The following PRKN variants were observed in gnomAD, a reference collection of about 807,000 sequenced individuals.
PRKN encodes the protein E3 ubiquitin-protein ligase parkin.
A neutral mutation model predicts 59.5 loss-of-function variants in PRKN; 56 were observed. The ratio of observed to expected loss-of-function variants is 0.94; its 90% CI spans 0.76 to 1.18. PRKN has a LOEUF of 1.18. Ranked by LOEUF, PRKN falls within the 50% of genes most tolerant of loss-of-function variation. The pLI is 0.00. For synonymous variants in PRKN, 250 were observed against 222.1 expected (o/e 1.13, Z -1.12); for missense variants, 657 against 596.4 (o/e 1.10, Z -1.06).
At chr6:161,535,740 A>T (rs1779389230) in intron 9 of PRKN, among the ~76,000 whole-genome samples, 1 of 152,038 alleles carries the variant, frequency 6.6e-6, no homozygotes, top group South Asian at 2.1e-4. Flanking sequence ...TGAAAAGTGG[A>T]CCTGGGGCTG....
rs1049368808 is a variant in PRKN at position 162,554,692 on chromosome 6, T to C, written c.8-111219A>G. On this transcript the variant is annotated intron_variant, in intron 1 of 11. Transcript: ENST00000366898. ...AGATCAGGGGCTTTTACTAGAGCCA[T>C]GGGAATGGCAGCTTGGCTGGTGTTG... is the stretch of plus-strand genomic sequence containing the variant. Among the ~76,000 whole-genome samples, 7 of 152,002 alleles carry C rather than the reference T, an allele frequency of 4.6e-5. No individual in the cohort carries two copies. In the South Asian group the frequency reaches 6.2e-4, roughly 14 times the overall value.
chr6:162,330,026 T>A (rs1783502074), intron 2 of PRKN, among the ~76,000 whole-genome samples: 1 of 152,190 alleles, frequency 6.6e-6, no homozygotes, highest in South Asian at 2.1e-4. Context: ...CAGTCCATCC[T>A]ATCAATGAAT....
intron 1 of PRKN, among the ~76,000 whole-genome samples, chr6:162,638,961 G>A (rs1777859070): frequency 6.6e-6 from 1 of 151,836 alleles, no homozygotes; most frequent in Non-Finnish European, 1.5e-5. Flanking sequence ...AGCCAGGCTG[G>A]TCTCAAACTC....
intron 4 of PRKN, among the ~76,000 whole-genome samples, chr6:162,159,821 G>A (rs1349850997): frequency 3.3e-5 from 5 of 152,110 alleles, no homozygotes; most frequent in Admixed American, 1.3e-4. Flanking sequence ...CTAATTTTTG[G>A]CAAAATGTAA....
intron 6 of PRKN, among the ~76,000 whole-genome samples, chr6:161,797,494 A>G (rs541071120): frequency 1.2e-4 from 19 of 152,274 alleles, no homozygotes; most frequent in Non-Finnish European, 2.6e-4. Flanking sequence ...CAAGCTCCTG[A>G]CCTCAAGTGA....
intron 1 of PRKN, among the ~76,000 whole-genome samples, chr6:162,555,087 C>T (rs1348173455): frequency 6.6e-6 from 1 of 152,040 alleles, no homozygotes; most frequent in East Asian, 1.9e-4. Context: ...GGTTGGTGCA[C>T]AGGTCAGTAT....
intron 9 of PRKN, among the ~76,000 whole-genome samples, chr6:161,437,506 G>A (rs1303816777): frequency 2.6e-5 from 4 of 152,138 alleles, no homozygotes; most frequent in East Asian, 1.9e-4. Context: ...ATGGATAAGC[G>A]GGGACTCCTG....
At chr6:162,480,874 C>T (rs1209361380) in intron 1 of PRKN, among the ~76,000 whole-genome samples, 2 of 152,038 alleles carry the variant, frequency 1.3e-5, no homozygotes, top group Non-Finnish European at 2.9e-5. Context: ...GGCACGATCT[C>T]ACCTCACTGC....
At chr6:162,433,440 A>G (rs1789628688) in intron 2 of PRKN, among the ~76,000 whole-genome samples, 2 of 152,150 alleles carry the variant, frequency 1.3e-5, no homozygotes, top group African/African-American at 4.8e-5. Context: ...TGAAGTTTTG[A>G]CTTCTCATTT....
At chr6:162,279,559 T>G (rs192073766) in intron 2 of PRKN, among the ~76,000 whole-genome samples, 1 of 152,178 alleles carries the variant, frequency 6.6e-6, no homozygotes, top group Non-Finnish European at 1.5e-5. Flanking sequence ...CTGTTTGTTA[T>G]GATTTCTGTT....
At chr6:162,697,052 GT>G (rs2128236117) in intron 1 of PRKN, among the ~76,000 whole-genome samples, 1 of 151,990 alleles carries the variant, frequency 6.6e-6, no homozygotes, top group East Asian at 1.9e-4. Context: ...TTTCTTTACA[GT>G]TTATTCAATT....
At chr6:161,822,769 C>T (rs1428194775) in intron 6 of PRKN, among the ~76,000 whole-genome samples, 1 of 152,154 alleles carries the variant, frequency 6.6e-6, no homozygotes, top group African/African-American at 2.4e-5. Flanking sequence ...CAGTCATTGA[C>T]CATTTACCTC....
At chr6:162,546,100 GTTTTTT>G (rs11396761) in intron 1 of PRKN, among the ~76,000 whole-genome samples, 4 of 116,654 alleles carry the variant, frequency 3.4e-5, no homozygotes, top group African/African-American at 1.1e-4. Context: ...AGTGTATGCA[GTTTTTT>G]TTTTTTTTTT....
At chr6:162,078,343 C>G (rs918117729) in intron 4 of PRKN, among the ~76,000 whole-genome samples, 1 of 152,074 alleles carries the variant, frequency 6.6e-6, no homozygotes, top group Non-Finnish European at 1.5e-5. Context: ...CATGTTCATA[C>G]TTGATCTTGA....
intron 2 of PRKN, among the ~76,000 whole-genome samples, chr6:162,408,351 A>C (rs1788179980): frequency 6.6e-6 from 1 of 152,166 alleles, no homozygotes; most frequent in African/African-American, 2.4e-5. Context: ...GACTTCCAGA[A>C]GAATGTCTGT....
intron 2 of PRKN, among the ~76,000 whole-genome samples, chr6:162,436,961 G>C (rs983364755): frequency 2.0e-5 from 3 of 151,948 alleles, no homozygotes; most frequent in African/African-American, 7.2e-5. Context: ...GCGTGGTAGC[G>C]GGCGCCTGTA....
chr6:161,592,036 C>T lies in PRKN; in HGVS notation c.872-22620G>A, dbSNP rs1396214042. On this transcript the variant is annotated intron_variant, in intron 7 of 11. Coordinates refer to ENST00000366898, the MANE Select transcript of PRKN (RefSeq NM_004562.3). The surrounding 1 kb of genome is among the most constrained non-coding windows in gnomAD (Gnocchi z 4.8). ...GTAGTATTTCTATATAACCTATGCA[C>T]ATCCTCCCATATACTTAAAATCATC... Among the ~76,000 whole-genome samples the T allele has an allele frequency of 6.6e-6, 1 of 152,196 alleles. No individual in the cohort carries two copies. Among genetic ancestry groups the T allele is most frequent in the Non-Finnish European group, 1.5e-5 (1 of 68,046 alleles).
intron 3 of PRKN, among the ~76,000 whole-genome samples, chr6:162,261,212 C>T (rs185473452): frequency 8.5e-5 from 13 of 152,226 alleles, no homozygotes; most frequent in African/African-American, 2.9e-4. Context: ...GAGGGAGACA[C>T]CCTTACAAAT....
chr6:162,307,211 C>T (rs966628699), intron 2 of PRKN, among the ~76,000 whole-genome samples: 2 of 151,828 alleles, frequency 1.3e-5, no homozygotes, highest in South Asian at 2.1e-4. Context: ...ACCAGCCTGG[C>T]CAACATGGTG....
Sources: allele counts gnomAD v4.1 joint callset (sites outside exome capture counted in the v4.1 genomes callset), GRCh38; gene constraint gnomAD v4.1.1; non-coding constraint Gnocchi (gnomAD v3.1); transcripts MANE v1.5; gene names NCBI Gene and HGNC (gene_info 2026-07-23, HGNC 2026-07-21).